Variants in VCL observed in about 807,000 individuals in gnomAD.
VCL encodes the protein vinculin, also known as epididymis luminal protein 114.
Under a neutral mutation model 125.7 loss-of-function variants are expected in VCL, and 47 were observed. The observed-to-expected ratio is 0.37, with a 90% CI of 0.30 to 0.48. The LOEUF (loss-of-function observed/expected upper bound fraction) is 0.48. VCL is among the 20% of genes least tolerant of loss of function. The pLI, the probability that VCL is intolerant of heterozygous loss-of-function variation, is 0.99. For synonymous variants in VCL, 458 were observed against 514.6 expected (o/e 0.89, Z 1.49); for missense variants, 1,069 against 1,455.5 (o/e 0.73, Z 4.32).
chr10:74,099,483 A>G (rs1190516518), intron 13 of VCL, among the ~76,000 whole-genome samples: 2 of 152,100 alleles, frequency 1.3e-5, no homozygotes, highest in Non-Finnish European at 2.9e-5. Flanking sequence ...ATTATTGTAC[A>G]TAGCACACTG....
intron 8 of VCL, among the ~76,000 whole-genome samples, chr10:74,083,817 G>C (rs1262830567): frequency 6.6e-6 from 1 of 151,614 alleles, no homozygotes; most frequent in Non-Finnish European, 1.5e-5. Flanking sequence ...TCAGCCTCCC[G>C]GGTAGCTGGG....
At chr10:74,069,866 C>T (rs1841635894) in intron 2 of VCL, among the ~76,000 whole-genome samples, 1 of 152,140 alleles carries the variant, frequency 6.6e-6, no homozygotes, top group Non-Finnish European at 1.5e-5. Flanking sequence ...GAATCCCCCG[C>T]CCAGCTCCCC....
chr10:74,017,267 T>C (rs1197459530), intron 1 of VCL, among the ~76,000 whole-genome samples: 1 of 151,610 alleles, frequency 6.6e-6, no homozygotes, highest in Admixed American at 6.6e-5. Context: ...CGGGATGGTC[T>C]CGATCTCCTG....
At chr10:74,070,583 T>G in intron 2 of VCL, 87 bp from the exon 3 acceptor site, 6 of 1,578,958 alleles carry the variant, frequency 3.8e-6, no homozygotes, top group Non-Finnish European at 5.2e-6. Context: ...AAACTGTGAA[T>G]TTACATGCAT....
At chr10:74,026,066 T>C (rs1840766660) in intron 1 of VCL, among the ~76,000 whole-genome samples, 1 of 152,226 alleles carries the variant, frequency 6.6e-6, no homozygotes, top group African/African-American at 2.4e-5. Context: ...AAGAAGCTAA[T>C]GTTTTATTAT....
At chr10:74,074,969 C>T (rs756144309) in intron 6 of VCL, 66 bp downstream of exon 6, 122 of 1,590,562 alleles carry the variant, frequency 7.7e-5, no homozygotes, top group East Asian at 1.1e-4. Flanking sequence ...TTTTGATTGG[C>T]ACCTGTCTCA....
chr10:74,101,248 G>T, intron 14 of VCL, 151 bp downstream of exon 14: 2 of 1,167,640 alleles, frequency 1.7e-6, no homozygotes, highest in Non-Finnish European at 2.4e-6. Context: ...CACTTTGGGA[G>T]GGTGAGGCGG....
In VCL at chr10:74,074,965, T is replaced by C. The variant is rs1004400326; in HGVS notation, c.783+62T>C. The C allele has an allele frequency of 7.2e-5, 116 of 1,601,758 alleles. No homozygotes were observed. The African/African-American group carries it at 1.3e-3, about 18-fold the overall frequency. On this transcript the variant is annotated intron_variant, in intron 6 of 21. Coordinates refer to ENST00000211998, the MANE Select transcript of VCL (RefSeq NM_014000.3). ...AACTCTCCCTGGCTGGGGGTTTTGA[T>C]TGGCACCTGTCTCATACTTTATCTT...
At chr10:74,081,072 A>T (rs1224201441) in intron 6 of VCL, among the ~76,000 whole-genome samples, 1 of 152,220 alleles carries the variant, frequency 6.6e-6, no homozygotes, top group African/African-American at 2.4e-5. Context: ...TCTGCCTTTT[A>T]TTGACAGCTA....
chr10:74,017,610 TG>T (rs1195876503), intron 1 of VCL, among the ~76,000 whole-genome samples: 1 of 150,876 alleles, frequency 6.6e-6, no homozygotes, highest in Admixed American at 6.6e-5. Context: ...TGGAGTGCAG[TG>T]GTATGATCTC....
At chr10:74,040,739 T>C (rs986719239) in intron 1 of VCL, among the ~76,000 whole-genome samples, 1 of 152,242 alleles carries the variant, frequency 6.6e-6, no homozygotes, top group Non-Finnish European at 1.5e-5. Context: ...CAGTGGTAGA[T>C]ATGTGTTGCT....
chr10:74,001,603 G>A (rs1190132688), intron 1 of VCL, among the ~76,000 whole-genome samples: 1 of 152,124 alleles, frequency 6.6e-6, no homozygotes, highest in Non-Finnish European at 1.5e-5. Context: ...AGAAAATGAA[G>A]GCCTGGACTT....
At chr10:74,093,302 A>C (rs1315976818) in intron 10 of VCL, among the ~76,000 whole-genome samples, 3 of 152,138 alleles carry the variant, frequency 2.0e-5, no homozygotes, top group Non-Finnish European at 4.4e-5. Context: ...ATCTCAAAAC[A>C]AAACAAACAA....
chr10:74,063,024 C>T (rs913930509), intron 2 of VCL, among the ~76,000 whole-genome samples: 8 of 152,168 alleles, frequency 5.3e-5, no homozygotes, highest in South Asian at 2.1e-4. Context: ...GAGCCGAGAT[C>T]GCACCACTGC....
intron 1 of VCL, among the ~76,000 whole-genome samples, chr10:74,036,445 C>A (rs2136244111): frequency 6.6e-6 from 1 of 152,248 alleles, no homozygotes; most frequent in African/African-American, 2.4e-5. Flanking sequence ...TCAGGTGATC[C>A]ACCCGCCTTG....
At chr10:74,060,517 A>G (rs1041129383) in intron 2 of VCL, among the ~76,000 whole-genome samples, 1 of 151,766 alleles carries the variant, frequency 6.6e-6, no homozygotes, top group Non-Finnish European at 1.5e-5. Context: ...TTAGCTGGGC[A>G]TAGTGGCGCA....
intron 2 of VCL, among the ~76,000 whole-genome samples, chr10:74,069,925 A>G (rs1048077880): frequency 6.6e-6 from 1 of 152,198 alleles, no homozygotes; most frequent in African/African-American, 2.4e-5. Flanking sequence ...TTAATATTAA[A>G]CTATTAATAA....
chr10:74,022,588 ATAAATAAATAAATAAATAAATAAG>A (rs1248227889), intron 1 of VCL, among the ~76,000 whole-genome samples: 6 of 81,620 alleles, frequency 7.4e-5, no homozygotes, highest in Admixed American at 1.3e-4. Flanking sequence ...AAATAAATAA[ATAAATAAATAAATAAATAAATAAG>A]TAAATAAAAC....
At chr10:74,089,980 G>C in intron 9 of VCL, 43 bp from the exon 10 acceptor site, 1 of 1,612,828 alleles carries the variant, frequency 6.2e-7, no homozygotes, top group Non-Finnish European at 8.5e-7. Flanking sequence ...AAAGGAGTGT[G>C]TGAGTAGATC....
Sources: gnomAD v4.1 joint callset for allele counts (sites outside exome capture counted in the v4.1 genomes callset) on GRCh38, gnomAD v4.1.1 for gene constraint, MANE v1.5 for transcripts, NCBI Gene and HGNC (gene_info 2026-07-23, HGNC 2026-07-21) for gene names.